CSMD1: variants seen among roughly 807,000 people sequenced by gnomAD.
The protein encoded by CSMD1 is CUB and sushi domain-containing protein 1.
Under a neutral mutation model 417.5 loss-of-function variants are expected in CSMD1, and 213 were observed. That is an observed-to-expected ratio of 0.51 (90% CI 0.46 to 0.57). The LOEUF is 0.57. Ranked by LOEUF, CSMD1 falls within the 20% of genes least tolerant of loss-of-function variation. The pLI, the probability that CSMD1 is intolerant of heterozygous loss-of-function variation, is 0.00. For synonymous variants in CSMD1, 2,862 were observed against 1,736.8 expected, an observed-to-expected ratio of 1.65 and a Z score of -16.11; for missense variants, 6,923 against 4,529.7, an observed-to-expected ratio of 1.53 and a Z score of -15.17.
chr8:2,958,968 T>C (rs1160605976), intron 62 of CSMD1, among the ~76,000 whole-genome samples: 6 of 152,246 alleles, frequency 3.9e-5, no homozygotes, highest in African/African-American at 1.4e-4. Context: ...ATGCTGCTTC[T>C]AGCACTTGAT....
At chr8:3,679,567 C>T (rs1313591370) in intron 7 of CSMD1, among the ~76,000 whole-genome samples, 1 of 152,160 alleles carries the variant, frequency 6.6e-6, no homozygotes, top group Non-Finnish European at 1.5e-5. Context: ...GAGACTTAGA[C>T]TCCCACACAA....
intron 23 of CSMD1, among the ~76,000 whole-genome samples, chr8:3,336,263 G>A (rs117661716): frequency 0.022 from 3,383 of 152,174 alleles, 45 homozygotes; most frequent in Non-Finnish European, 0.035. Flanking sequence ...TTGCAACTTG[G>A]GGTATTATGA....
chr8:3,213,542 C>T (rs368180560), intron 30 of CSMD1, among the ~76,000 whole-genome samples: 6 of 152,060 alleles, frequency 3.9e-5, no homozygotes, highest in Admixed American at 6.6e-5. Context: ...AAAGCTGATT[C>T]AACGATTTTA....
chr8:3,712,308 TCC>T (rs1334981235), intron 6 of CSMD1, among the ~76,000 whole-genome samples: 1 of 151,060 alleles, frequency 6.6e-6, no homozygotes, highest in Non-Finnish European at 1.5e-5. Flanking sequence ...TCCACACCCT[TCC>T]CTCGCCTCTT....
chr8:4,365,110 T>C (rs1159991401), intron 3 of CSMD1, among the ~76,000 whole-genome samples: 1 of 152,210 alleles, frequency 6.6e-6, no homozygotes, highest in Admixed American at 6.5e-5. Flanking sequence ...TTAAATACTT[T>C]AAGTGTGTAG....
Position 4,678,821 on chromosome 8 carries a change from G to A in CSMD1, c.86-41263C>T, listed in dbSNP as rs138636119. Among the ~76,000 whole-genome samples, 456 of 152,280 alleles carry A rather than the reference G, an allele frequency of 3.0e-3. 3 individuals are homozygous for A. Among genetic ancestry groups the A allele is most frequent in the African/African-American group, 0.011 (437 of 41,564 alleles). On this transcript the variant is annotated intron_variant, in intron 1 of 69. Coordinates refer to ENST00000635120, the MANE Select transcript of CSMD1 (RefSeq NM_033225.6). The stretch of plus-strand genomic sequence containing the variant: ...TTTAACCTGTATGTAGCAAGGGTGT[G>A]GTTTTTGCTATCAATGTTTCCTCAG...
chr8:4,195,999 C>T (rs967356804), intron 3 of CSMD1, among the ~76,000 whole-genome samples: 1 of 152,060 alleles, frequency 6.6e-6, no homozygotes, highest in Non-Finnish European at 1.5e-5. Flanking sequence ...ATCATGAGGT[C>T]ATGCGATCGA....
At chr8:3,747,703 G>T (rs1238683175) in intron 6 of CSMD1, among the ~76,000 whole-genome samples, 1 of 152,050 alleles carries the variant, frequency 6.6e-6, no homozygotes, top group Non-Finnish European at 1.5e-5. Context: ...TTGGACACAT[G>T]CCTGAAATGT....
intron 3 of CSMD1, among the ~76,000 whole-genome samples, chr8:4,339,967 T>C (rs552676396): frequency 6.6e-6 from 1 of 152,172 alleles, no homozygotes; most frequent in South Asian, 2.1e-4. Flanking sequence ...GGAGGTTCAG[T>C]GAGCGGTGAT....
intron 23 of CSMD1, among the ~76,000 whole-genome samples, chr8:3,313,307 G>C (rs959999695): frequency 1.3e-5 from 2 of 152,108 alleles, no homozygotes; most frequent in Admixed American, 6.5e-5. Context: ...CACAGCAAAA[G>C]AAACCACCAT....
At chr8:3,136,994 T>G (rs1261313075) in intron 41 of CSMD1, among the ~76,000 whole-genome samples, 1 of 152,214 alleles carries the variant, frequency 6.6e-6, no homozygotes, top group Non-Finnish European at 1.5e-5. Flanking sequence ...TTGCACATAT[T>G]CATGGGGTAC....
intron 1 of CSMD1, among the ~76,000 whole-genome samples, chr8:4,744,947 C>T (rs991681771): frequency 6.6e-6 from 1 of 152,210 alleles, no homozygotes; most frequent in South Asian, 2.1e-4. Context: ...AAAAATAGTT[C>T]TTCAACTATT....
intron 23 of CSMD1, among the ~76,000 whole-genome samples, chr8:3,338,811 CTTTT>C (rs574071856): frequency 3.5e-5 from 5 of 141,102 alleles, no homozygotes; most frequent in Non-Finnish European, 7.8e-5. Context: ...TCCAGCCTTT[CTTTT>C]TTTTTTTTTT....
intron 3 of CSMD1, among the ~76,000 whole-genome samples, chr8:4,320,144 C>CA (rs1360579328): frequency 6.6e-6 from 1 of 152,062 alleles, no homozygotes; most frequent in East Asian, 1.9e-4. Context: ...CAGAACAAAG[C>CA]ACAAAACTTT....
chr8:4,942,151 T>A (rs571628312), intron 1 of CSMD1, among the ~76,000 whole-genome samples: 1 of 152,276 alleles, frequency 6.6e-6, no homozygotes, highest in African/African-American at 2.4e-5. Context: ...TACTCCCTAT[T>A]TATTTTTCAA....
chr8:4,692,291 G>A (rs1053661834), intron 1 of CSMD1, among the ~76,000 whole-genome samples: 3 of 152,108 alleles, frequency 2.0e-5, no homozygotes, highest in African/African-American at 4.8e-5. Flanking sequence ...TTATGAGAAA[G>A]GGAGAAACTC....
chr8:3,404,067 A>T (rs899062995), intron 15 of CSMD1, among the ~76,000 whole-genome samples: 1 of 152,184 alleles, frequency 6.6e-6, no homozygotes, highest in African/African-American at 2.4e-5. Context: ...GTGTAGTATT[A>T]CCAGACGATA....
intron 41 of CSMD1, among the ~76,000 whole-genome samples, chr8:3,142,215 T>A (rs1465618849): frequency 6.6e-6 from 1 of 151,782 alleles, no homozygotes; most frequent in Non-Finnish European, 1.5e-5. Flanking sequence ...TCCATTGCAA[T>A]TCCCGTCTTG....
chr8:3,761,595 C>CA (rs1798005877), intron 5 of CSMD1, among the ~76,000 whole-genome samples: 1 of 150,704 alleles, frequency 6.6e-6, no homozygotes, highest in African/African-American at 2.4e-5. Context: ...ATCCTCTCCC[C>CA]ACCAGGTTCA....
Sources: gnomAD v4.1 joint callset for allele counts (sites outside exome capture counted in the v4.1 genomes callset) on GRCh38, gnomAD v4.1.1 for gene constraint, MANE v1.5 for transcripts, NCBI Gene and HGNC (gene_info 2026-07-23, HGNC 2026-07-21) for gene names.